Variants in CCR3 observed in about 807,000 individuals in gnomAD.
CCR3 encodes the protein C-C motif chemokine receptor 3, also known as C-C chemokine receptor type 3.
For missense variants in CCR3, 419 were observed against 437.5 expected (o/e 0.96, Z 0.38); for synonymous variants, 203 against 179.2 (o/e 1.13, Z -1.06).
At chr3:46,236,633 G>A (rs1700028015) in intron 2 of CCR3, among the ~76,000 whole-genome samples, 1 of 152,212 alleles carries the variant, frequency 6.6e-6, no homozygotes, top group Admixed American at 6.5e-5. Context: ...TGGTTCTGCT[G>A]GCCCTCTTGG....
At position 46,217,109 on chromosome 3, in the gene CCR3, G is replaced by A. The variant is rs2125922821; in HGVS notation, c.-68+6202G>A. Reference sequence around the variant, plus strand: ...TCACATAAACTTAAGGTAAAGTGAGGGGGAGGGAAGACATTCCATGCAAAT... The same window carrying A: ...TCACATAAACTTAAGGTAAAGTGAGAGGGAGGGAAGACATTCCATGCAAAT... On this transcript the variant is annotated intron_variant, in intron 2 of 3. Coordinates refer to the CCR3 transcript ENST00000357422. Among the ~76,000 whole-genome samples the A allele has an allele frequency of 2.0e-5, 3 of 152,188 alleles. No individual in the cohort carries two copies. The South Asian group carries it at 6.2e-4, about 32-fold the overall frequency.
chr3:46,257,002 C>A (rs1267610180), intron 1 of CCR3, among the ~76,000 whole-genome samples: 2 of 147,672 alleles, frequency 1.4e-5, no homozygotes, highest in Non-Finnish European at 3.0e-5. Flanking sequence ...TAGTAATGTA[C>A]CTTCAGGAGT....
At chr3:46,258,027 C>G (rs1700460539) in intron 1 of CCR3, among the ~76,000 whole-genome samples, 1 of 152,184 alleles carries the variant, frequency 6.6e-6, no homozygotes, top group Non-Finnish European at 1.5e-5. Flanking sequence ...TGTAATTGTT[C>G]TCTTCAGGCC....
chr3:46,221,348 A>T (rs1699834899), intron 2 of CCR3, among the ~76,000 whole-genome samples: 1 of 152,248 alleles, frequency 6.6e-6, no homozygotes, highest in Non-Finnish European at 1.5e-5. Flanking sequence ...AACAGCAACA[A>T]ATACTGTATC....
upstream of CCR3, among the ~76,000 whole-genome samples, chr3:46,241,415 A>C (rs1040347981): frequency 6.6e-6 from 1 of 152,218 alleles, no homozygotes; most frequent in African/African-American, 2.4e-5. Context: ...CTAGGTCCCA[A>C]GGGACACATC....
chr3:46,234,902 T>C (rs9830751), intron 2 of CCR3, among the ~76,000 whole-genome samples: 2,114 of 152,230 alleles, frequency 0.014, 52 homozygotes, highest in African/African-American at 0.047. Flanking sequence ...GAGGATGGAG[T>C]TGACCAGGTC....
At chr3:46,234,016 G>A (rs550490775) in intron 2 of CCR3, among the ~76,000 whole-genome samples, 25 of 152,334 alleles carry the variant, frequency 1.6e-4, no homozygotes, top group African/African-American at 5.3e-4. Flanking sequence ...TGGATACCCC[G>A]TCAAGGTAAG....
chr3:46,253,637 T>C (rs183461826), intron 1 of CCR3, among the ~76,000 whole-genome samples: 1 of 151,480 alleles, frequency 6.6e-6, no homozygotes, highest in Admixed American at 6.6e-5. Flanking sequence ...TAAGTTTACA[T>C]GCAGGAAGTT....
chr3:46,244,493 GC>G (rs1198322756), intron 1 of CCR3, among the ~76,000 whole-genome samples: 3 of 152,174 alleles, frequency 2.0e-5, no homozygotes, highest in Non-Finnish European at 4.4e-5. Context: ...TAAGGGTGGG[GC>G]CGTTTTATAG....
At chr3:46,227,286 A>G (rs537287202) in intron 2 of CCR3, among the ~76,000 whole-genome samples, 16 of 152,314 alleles carry the variant, frequency 1.1e-4, no homozygotes, top group Middle Eastern at 3.4e-3. Context: ...AAAGTAGTTC[A>G]TAGTATTCTA....
chr3:46,227,664 A>G (rs1168758895), intron 2 of CCR3, among the ~76,000 whole-genome samples: 3 of 152,188 alleles, frequency 2.0e-5, no homozygotes, highest in Admixed American at 6.5e-5. Context: ...TTAGCGCTGC[A>G]TATTTTCCTC....
chr3:46,241,969 C>A (rs1423457564), upstream of CCR3, among the ~76,000 whole-genome samples: 3 of 151,972 alleles, frequency 2.0e-5, no homozygotes, highest in Non-Finnish European at 4.4e-5. Context: ...CCTGTCTCTA[C>A]TAAAAATACA....
intron 2 of CCR3, among the ~76,000 whole-genome samples, chr3:46,212,884 C>T (rs953455164): frequency 2.6e-5 from 4 of 152,186 alleles, no homozygotes; most frequent in African/African-American, 4.8e-5. Context: ...GAAAGACTGA[C>T]GTAGCACCTC....
chr3:46,215,036 C>T (rs914872194), intron 2 of CCR3, among the ~76,000 whole-genome samples: 1 of 152,044 alleles, frequency 6.6e-6, no homozygotes, highest in African/African-American at 2.4e-5. Context: ...TCTAAGTGCT[C>T]GCAAGAATGG....
At chr3:46,212,988 A>G (rs1014761657) in intron 2 of CCR3, among the ~76,000 whole-genome samples, 2 of 152,214 alleles carry the variant, frequency 1.3e-5, no homozygotes, top group African/African-American at 4.8e-5. Context: ...TAACAAAGCA[A>G]TGGACTCAAA....
intron 2 of CCR3, among the ~76,000 whole-genome samples, chr3:46,218,960 A>C (rs927133487): frequency 1.3e-5 from 2 of 152,164 alleles, no homozygotes; most frequent in Non-Finnish European, 2.9e-5. Context: ...TCAGCATATT[A>C]CTGGAAGTTC....
At chr3:46,263,856 A>C (rs1700570565) in intron 1 of CCR3, 1 of 153,490 alleles carries the variant, frequency 6.5e-6, no homozygotes, top group Admixed American at 6.5e-5. Flanking sequence ...GTGGGGCCTC[A>C]GTATTCGATC....
intron 2 of CCR3, among the ~76,000 whole-genome samples, chr3:46,214,469 A>C (rs1021052196): frequency 6.6e-5 from 10 of 152,104 alleles, no homozygotes; most frequent in African/African-American, 2.4e-4. Context: ...CATTATTCCT[A>C]TCCGAGTTAT....
At chr3:46,250,026 C>A (rs1700275075) in intron 1 of CCR3, among the ~76,000 whole-genome samples, 1 of 151,962 alleles carries the variant, frequency 6.6e-6, no homozygotes, top group African/African-American at 2.4e-5. Flanking sequence ...GCCTTTTGAC[C>A]TTTTAGGGTC....
Sources: gnomAD v4.1 joint callset for allele counts (sites outside exome capture counted in the v4.1 genomes callset) on GRCh38, gnomAD v4.1.1 for gene constraint, MANE v1.5 for transcripts, NCBI Gene and HGNC (gene_info 2026-07-23, HGNC 2026-07-21) for gene names.